Variants in ANO7 observed in about 807,000 individuals in gnomAD.
ANO7 encodes the protein anoctamin-7.
ANO7 carries 114 observed loss-of-function variants against 115.8 expected under a neutral mutation model. The ratio of observed to expected loss-of-function variants is 0.98; its 90% confidence interval spans 0.85 to 1.15. The LOEUF (loss-of-function observed/expected upper bound fraction) is 1.15, where lower values mean the gene tolerates loss of function less well. ANO7 is among the 50% of genes most tolerant of loss of function. The pLI is 0.00. For missense variants in ANO7, 1,302 were observed against 1,201.2 expected (o/e 1.08, Z -1.24); for synonymous variants, 550 against 498.2 (o/e 1.10, Z -1.38).
At chr2:241,229,397 T>C (rs2069446182), downstream of ANO7, 1 of 525,942 alleles carries the variant, frequency 1.9e-6, no homozygotes, top group African/African-American at 1.9e-5. Context: ...TGTTAAACAG[T>C]GGAGCAGGTC....
chr2:241,239,969 T>A, the ANO7 span: 3 of 1,614,206 alleles, frequency 1.9e-6, no homozygotes, highest in Non-Finnish European at 2.5e-6. The surrounding 1 kb of genome is among the most constrained non-coding windows in gnomAD (Gnocchi z 4.6). Context: ...CCAATGATGG[T>A]GATCAGGTCC....
At position 241,221,370 on chromosome 2, in the gene ANO7, A is replaced by G. The variant is rs13424784; in HGVS notation, c.2322-1816A>G. On this transcript the variant is annotated intron_variant, in intron 21 of 24. Transcript: ENST00000674324. ...GGATTACAGGCCTGAGCCACCTTTC[A>G]CGCCCGTCCTATTCTCTTTTTTCTT... Among the ~76,000 whole-genome samples, 1,057 of 145,220 alleles carry G rather than the reference A, an allele frequency of 7.3e-3. 12 individuals are homozygous for G. The highest frequency in any genetic ancestry group is 0.026 in the African/African-American group (993 of 38,762).
intron 3 of ANO7, among the ~76,000 whole-genome samples, chr2:241,192,185 C>T (rs2068222403): frequency 1.3e-5 from 2 of 152,184 alleles, no homozygotes; most frequent in Admixed American, 6.5e-5. Context: ...ATTAGCCAGG[C>T]GTGGTGGCAC....
chr2:241,193,313 G>A (rs2068248210), intron 3 of ANO7, among the ~76,000 whole-genome samples: 1 of 152,124 alleles, frequency 6.6e-6, no homozygotes, highest in East Asian at 1.9e-4. Flanking sequence ...CAGGTGATCC[G>A]CCCGCCTTGG....
intron 10 of ANO7, among the ~76,000 whole-genome samples, chr2:241,206,915 AGTGGACAGGAGTGCTCCCAGTCTGACAG>A (rs2068605190): frequency 2.6e-5 from 2 of 77,382 alleles, no homozygotes; most frequent in Non-Finnish European, 5.1e-5. Flanking sequence ...GGTTGACACA[AGTGGACAGGAGTGCTCCCAGTCTGACAG>A]GTGGACAGGA....
intron 1 of ANO7, among the ~76,000 whole-genome samples, chr2:241,189,630 A>G (rs906196441): frequency 6.6e-6 from 1 of 152,106 alleles, no homozygotes; most frequent in Non-Finnish European, 1.5e-5. Flanking sequence ...GAGCGAAGGC[A>G]GGCGACTTGA....
chr2:241,203,599 G>C lies in ANO7; in HGVS notation c.889+101G>C. 1 of 901,606 alleles carries C rather than the reference G, an allele frequency of 1.1e-6. No homozygotes were observed. The highest frequency in any genetic ancestry group is 1.6e-6 in the Non-Finnish European group (1 of 622,408). The allele number at this position is 901,606 out of a possible 1,614,324, so 55.9% of individuals were successfully genotyped here. ...CGTACCCCTGGAGGGCAGCGTGCGTGGGGGCCTGGACGGTGGGCGCAGCTC... is the reference window on the plus strand; with the variant it reads ...CGTACCCCTGGAGGGCAGCGTGCGTCGGGGCCTGGACGGTGGGCGCAGCTC... On this transcript the variant is annotated intron_variant, in intron 9 of 24. Transcript: ENST00000674324. This position sits in a 1 kb window ranked among gnomAD's most constrained non-coding sequence, Gnocchi z 4.8.
chr2:241,191,532 C>T (rs556389046), intron 3 of ANO7, among the ~76,000 whole-genome samples: 125 of 152,206 alleles, frequency 8.2e-4, no homozygotes, highest in Non-Finnish European at 1.5e-3. Flanking sequence ...CCTCCACCAT[C>T]CTCCAGCTGT....
intron 9 of ANO7, 25 bp from the exon 10 acceptor site, chr2:241,204,840 T>C: frequency 6.2e-7 from 1 of 1,602,762 alleles, no homozygotes; most frequent in East Asian, 2.2e-5. Flanking sequence ...TTCCTGATGG[T>C]GGACCCCTGC....
In ANO7 at chr2:241,198,487, G is replaced by T. The variant is rs541268246; in HGVS notation, c.310-829G>T. On this transcript the variant is annotated intron_variant, in intron 4 of 24. Coordinates refer to ENST00000674324, the MANE Select transcript of ANO7 (RefSeq NM_001370694.2). ...TTGCCCTTTAGTTGAGGGCAGGGGG[G>T]ACTACTGCAGGGGACGCCGGTGGCC... Among the ~76,000 whole-genome samples, 10 of 152,232 alleles carry T rather than the reference G, an allele frequency of 6.6e-5. 1 individual carries two copies. In the South Asian group the frequency reaches 1.9e-3, roughly 28 times the overall value.
rs747882691 is a variant in ANO7 at position 241,223,684 on chromosome 2, G to A, written c.2435G>A (p.Arg812His). 41 of 1,613,476 alleles carry A rather than the reference G, an allele frequency of 2.5e-5. No homozygotes were observed. Among genetic ancestry groups the A allele is most frequent in the Middle Eastern group, 1.6e-4 (1 of 6,062 alleles). Residue 812 changes from arginine to histidine, a missense_variant, in exon 23 of 25, where the codon CGC (arginine) becomes CAC (histidine). Physicochemically the swap from Arg to His is conservative, Grantham distance 29. Transcript: ENST00000674324. ...VFEHVVFSVG[R>H]LLDLLVPDIP... ...CAGCATGTGGTTTTCTCCGTTGGCC[G>A]CCTCCTGGACCTCCTGGTGCCTGAC...
intron 19 of ANO7, 99 bp downstream of exon 19, chr2:241,216,337 G>GAATGT: frequency 7.1e-7 from 1 of 1,408,984 alleles, no homozygotes; most frequent in East Asian, 2.5e-5. Flanking sequence ...TCCTGTGTCT[G>GAATGT]CATCTGCCCT....
At chr2:241,190,975 G>A (rs556994553) in intron 2 of ANO7, among the ~76,000 whole-genome samples, 191 of 152,338 alleles carry the variant, frequency 1.3e-3, no homozygotes, top group Non-Finnish European at 2.1e-3. Flanking sequence ...CCTGCCTGCC[G>A]CTCCCCGCGC....
the ANO7 span, chr2:241,235,074 G>A: frequency 1.2e-6 from 2 of 1,600,218 alleles, no homozygotes; most frequent in East Asian, 2.2e-5. Flanking sequence ...TGTGCCCAAA[G>A]CTGAGCACCA....
At chr2:241,209,025 T>C (rs1429644952) in intron 11 of ANO7, among the ~76,000 whole-genome samples, 1 of 152,202 alleles carries the variant, frequency 6.6e-6, no homozygotes, top group Non-Finnish European at 1.5e-5. Context: ...GGCGGGCGCC[T>C]GTAGTCCCAG....
In ANO7 at chr2:241,190,100, G is replaced by T. The variant is rs2302054; in HGVS notation, c.37G>T (p.Val13Phe). ...RRRAQEEDST[V>F]LIDVSPPEAE... ...ACGGGCCCAGGAAGAGGACAGCACCGTCCTGATCGATGTGAGCCCCCCTGA... is the reference window on the plus strand; with the variant it reads ...ACGGGCCCAGGAAGAGGACAGCACCTTCCTGATCGATGTGAGCCCCCCTGA... Residue 13 changes from valine to phenylalanine, a missense_variant, in exon 2 of 25, where the codon GTC becomes TTC. Physicochemically the swap from Val to Phe is conservative, Grantham distance 50. Coordinates refer to ENST00000674324, the MANE Select transcript of ANO7 (RefSeq NM_001370694.2). 6.3e-7 allele frequency: 1 copy of T among 1,584,192 alleles called. No individual in the cohort carries two copies. Among genetic ancestry groups the T allele is most frequent in the Non-Finnish European group, 8.6e-7 (1 of 1,165,794 alleles).
downstream of ANO7, chr2:241,229,331 T>G (rs1322693693): frequency 1.3e-5 from 5 of 374,112 alleles, no homozygotes; most frequent in East Asian, 3.2e-4. Context: ...ACATGCCGGG[T>G]GGACCAGGAG....
In ANO7 at chr2:241,202,686, C is replaced by G. The variant is rs1417748253; in HGVS notation, c.723+382C>G. Among the ~76,000 whole-genome samples the G allele has an allele frequency of 2.0e-5, 3 of 152,244 alleles. No homozygotes were observed. In the East Asian group the frequency reaches 5.8e-4, roughly 29 times the overall value. ...CCAAAGCGGGCACTGACCAGGGCAGCTGCCGCTGCACCTGTTCCTATCAGC... is the reference window on the plus strand; with the variant it reads ...CCAAAGCGGGCACTGACCAGGGCAGGTGCCGCTGCACCTGTTCCTATCAGC... On this transcript the variant is annotated intron_variant, in intron 8 of 24. Coordinates refer to ENST00000674324, the MANE Select transcript of ANO7 (RefSeq NM_001370694.2).
At position 241,204,967 on chromosome 2, in the gene ANO7, C is replaced by G; in HGVS notation, c.980+12C>G. The G allele has an allele frequency of 6.2e-7, 1 of 1,612,410 alleles. No individual in the cohort carries two copies. The highest frequency in any genetic ancestry group is 8.5e-7 in the Non-Finnish European group (1 of 1,178,600). Reference sequence around the variant, plus strand: ...TCAGACATACCCACGTGAGTGTTCCCTCTCCGCAGCTCTGGGGCCTGGTGC... The same window carrying G: ...TCAGACATACCCACGTGAGTGTTCCGTCTCCGCAGCTCTGGGGCCTGGTGC... On this transcript the variant is annotated intron_variant, in intron 10 of 24. Coordinates refer to ENST00000674324, the MANE Select transcript of ANO7 (RefSeq NM_001370694.2).
Sources: gnomAD v4.1 joint callset for allele counts (sites outside exome capture counted in the v4.1 genomes callset) on GRCh38, gnomAD v4.1.1 for gene constraint, Gnocchi (gnomAD v3.1) non-coding constraint, MANE v1.5 for transcripts, NCBI Gene and HGNC (gene_info 2026-07-23, HGNC 2026-07-21) for gene names.